The following PSMB7 variants were observed in gnomAD, a reference collection of about 807,000 sequenced individuals.
PSMB7 encodes proteasome subunit beta type-7.
A neutral mutation model predicts 28.1 loss-of-function variants in PSMB7; 5 were observed. The observed-to-expected ratio is 0.18, with a 90% CI of 0.09 to 0.37. PSMB7 has a LOEUF of 0.37. Among genes scored for constraint, PSMB7 ranks in the 10% least tolerant of loss-of-function variants. The pLI is 1.00. For synonymous variants in PSMB7, 122 were observed against 123.7 expected (o/e 0.99, Z 0.09); for missense variants, 275 against 346.2 (o/e 0.79, Z 1.63).
chr9:124,411,388 A>G (rs1246425367), intron 4 of PSMB7, among the ~76,000 whole-genome samples: 1 of 152,256 alleles, frequency 6.6e-6, no homozygotes, highest in Admixed American at 6.5e-5. Flanking sequence ...CCTATGAGCC[A>G]CCAGTTTAAA....
chr9:124,386,867 A>G (rs140619833), intron 5 of PSMB7, among the ~76,000 whole-genome samples: 20 of 150,526 alleles, frequency 1.3e-4, no homozygotes, highest in African/African-American at 4.9e-4. Flanking sequence ...TCTTTTTCCT[A>G]GGCACATATA....
chr9:124,365,484 A>G (rs960001575), intron 6 of PSMB7, among the ~76,000 whole-genome samples: 2 of 152,246 alleles, frequency 1.3e-5, no homozygotes, highest in African/African-American at 4.8e-5. Flanking sequence ...AGAACCTCAC[A>G]GGCTATACAG....
intron 5 of PSMB7, among the ~76,000 whole-genome samples, chr9:124,389,814 C>T (rs1383684217): frequency 1.3e-5 from 2 of 152,224 alleles, no homozygotes; most frequent in African/African-American, 4.8e-5. Flanking sequence ...TTGTCACCCA[C>T]ATCTGCTGCG....
intron 2 of PSMB7, among the ~76,000 whole-genome samples, 186 bp downstream of exon 2, chr9:124,414,656 G>T (rs915813071): frequency 2.0e-5 from 3 of 151,758 alleles, no homozygotes; most frequent in Non-Finnish European, 4.4e-5. Context: ...GCAAAGTGAG[G>T]AAAGAACATA....
chr9:124,394,907 T>A (rs1830825517), intron 5 of PSMB7, among the ~76,000 whole-genome samples: 1 of 152,202 alleles, frequency 6.6e-6, no homozygotes, highest in African/African-American at 2.4e-5. Context: ...GCAACATAAT[T>A]TTAAGATATA....
intron 7 of PSMB7, among the ~76,000 whole-genome samples, chr9:124,354,976 G>A (rs1044086680): frequency 1.6e-4 from 25 of 152,330 alleles, no homozygotes; most frequent in African/African-American, 4.3e-4. Context: ...GGAGGGCTGC[G>A]GGCAGACAGG....
In PSMB7 at chr9:124,356,882, T is replaced by C. The variant is rs370203263; in HGVS notation, c.604A>G (p.Ile202Val). The C allele has an allele frequency of 2.2e-5, 36 of 1,614,096 alleles. No individual in the cohort carries two copies. Among genetic ancestry groups the C allele is most frequent in the Non-Finnish European group, 3.0e-5 (35 of 1,180,046 alleles). Reference protein sequence around the residue: ...EEAKNLVSEAIAAGIFNDLGS... With the variant: ...EEAKNLVSEAVAAGIFNDLGS... ...AGGTCGTTGAAGATGCCAGCTGCGA[T>C]GGCTTCGCTCACCAGATTCTTGGCT... is the stretch of plus-strand genomic sequence containing the variant. The change falls in exon 7 of 8, where the codon ATC (isoleucine) becomes GTC (valine). Residue 202 changes from isoleucine to valine, a missense_variant. Coordinates refer to ENST00000259457, the MANE Select transcript of PSMB7 (RefSeq NM_002799.4). The surrounding 1 kb of genome is among the most constrained non-coding windows in gnomAD (Gnocchi z 4.4).
At chr9:124,360,802 C>T (rs1413030558) in intron 6 of PSMB7, among the ~76,000 whole-genome samples, 1 of 152,184 alleles carries the variant, frequency 6.6e-6, no homozygotes, top group Non-Finnish European at 1.5e-5. Context: ...TTTACTCTCC[C>T]GCTCTGTAAT....
intron 5 of PSMB7, chr9:124,396,758 T>C (rs1396059358): frequency 2.1e-6 from 1 of 470,376 alleles, no homozygotes; most frequent in Non-Finnish European, 4.4e-6. Context: ...ACCTTGCCAA[T>C]GCTGCTACAA....
intron 5 of PSMB7, among the ~76,000 whole-genome samples, 195 bp from the exon 6 acceptor site, chr9:124,384,851 T>C (rs1033214805): frequency 1.6e-4 from 25 of 152,226 alleles, no homozygotes; most frequent in African/African-American, 5.8e-4. Context: ...CACTTACCAC[T>C]ATCTAAGGTA....
chr9:124,358,373 A>G (rs1830434531), intron 6 of PSMB7, among the ~76,000 whole-genome samples: 2 of 152,114 alleles, frequency 1.3e-5, no homozygotes, highest in African/African-American at 2.4e-5. Context: ...TTCCTTTGAT[A>G]TTTATACCCC....
intron 5 of PSMB7, among the ~76,000 whole-genome samples, chr9:124,403,914 C>T: frequency 7.0e-6 from 1 of 142,844 alleles, no homozygotes; most frequent in African/African-American, 2.6e-5. Context: ...TTTAAACAGA[C>T]AGGGTCTCAC....
intron 6 of PSMB7, among the ~76,000 whole-genome samples, chr9:124,363,798 G>A (rs1366787453): frequency 1.3e-5 from 2 of 152,152 alleles, no homozygotes; most frequent in Non-Finnish European, 2.9e-5. Flanking sequence ...GGAATGGGAA[G>A]GGGTGCTCAT....
At chr9:124,391,595 T>C (rs926730682) in intron 5 of PSMB7, among the ~76,000 whole-genome samples, 13 of 151,436 alleles carry the variant, frequency 8.6e-5, no homozygotes, top group African/African-American at 3.2e-4. Flanking sequence ...TGTTTAGCAA[T>C]GCCACTCAAG....
chr9:124,403,495 C>T (rs1830932975), intron 5 of PSMB7, among the ~76,000 whole-genome samples: 1 of 152,180 alleles, frequency 6.6e-6, no homozygotes, highest in Non-Finnish European at 1.5e-5. Context: ...CACTGTACTC[C>T]AGCCTGTGCA....
At chr9:124,407,771 A>G (rs1162361386) in intron 4 of PSMB7, among the ~76,000 whole-genome samples, 1 of 152,236 alleles carries the variant, frequency 6.6e-6, no homozygotes, top group Non-Finnish European at 1.5e-5. Flanking sequence ...AGCATTGTTT[A>G]TGATGATTAA....
At chr9:124,373,717 A>G (rs12340023) in intron 6 of PSMB7, among the ~76,000 whole-genome samples, 11,102 of 152,296 alleles carry the variant, frequency 0.073, 1,010 homozygotes, top group East Asian at 0.46. Context: ...CCAAAGGATG[A>G]TAAGTCTTGG....
At chr9:124,388,065 T>G (rs902737531) in intron 5 of PSMB7, among the ~76,000 whole-genome samples, 1 of 152,204 alleles carries the variant, frequency 6.6e-6, no homozygotes, top group African/African-American at 2.4e-5. Context: ...CATCCTCTTT[T>G]CCCTATAAAC....
intron 5 of PSMB7, among the ~76,000 whole-genome samples, chr9:124,398,275 G>A (rs1298141369): frequency 5.9e-5 from 9 of 151,962 alleles, no homozygotes; most frequent in African/African-American, 1.9e-4. Flanking sequence ...GGGAGGGGAG[G>A]GGTGAAAGAA....
Sources: allele counts gnomAD v4.1 joint callset (sites outside exome capture counted in the v4.1 genomes callset), GRCh38; gene constraint gnomAD v4.1.1; non-coding constraint Gnocchi (gnomAD v3.1); transcripts MANE v1.5; gene names NCBI Gene and HGNC (gene_info 2026-07-23, HGNC 2026-07-21).